Variants in CELF1 observed in about 807,000 individuals in gnomAD.
CELF1 encodes the protein 50 kDa nuclear polyadenylated RNA-binding protein.
CELF1 carries 10 observed loss-of-function variants against 61.8 expected under a neutral mutation model. That is an observed-to-expected ratio of 0.16 (90% CI 0.10 to 0.27). The LOEUF is 0.27. CELF1 is among the 10% of genes least tolerant of loss of function. CELF1 has a pLI of 1.00. For missense variants in CELF1, 380 were observed against 639.1 expected, an observed-to-expected ratio of 0.59 and a Z score of 4.37; for synonymous variants, 236 against 225.1, an observed-to-expected ratio of 1.05 and a Z score of -0.43.
At chr11:47,541,662 A>T (rs1171412252) in intron 1 of CELF1, among the ~76,000 whole-genome samples, 1 of 146,458 alleles carries the variant, frequency 6.8e-6, no homozygotes. Context: ...TGTACTCCAG[A>T]GCCTGGTGAC....
At chr11:47,552,465 A>AAGAGTTCC in intron 1 of CELF1, among the ~76,000 whole-genome samples, 1 of 152,234 alleles carries the variant, frequency 6.6e-6, no homozygotes, top group Non-Finnish European at 1.5e-5. Flanking sequence ...AGGGCGAGCC[A>AAGAGTTCC]AGGCCGTAGC....
chr11:47,560,961 AC>A (rs1256389763), intron 2 of CELF1, among the ~76,000 whole-genome samples: 10 of 149,740 alleles, frequency 6.7e-5, no homozygotes, highest in South Asian at 2.1e-4. Flanking sequence ...ATATGGTGAA[AC>A]CCCGTCTCTA....
At chr11:47,533,312 C>T (rs1334076838) in intron 1 of CELF1, among the ~76,000 whole-genome samples, 1 of 152,066 alleles carries the variant, frequency 6.6e-6, no homozygotes, top group African/African-American at 2.4e-5. Flanking sequence ...CATGGTGAAA[C>T]CCCATTTCTA....
chr11:47,540,863 C>T (rs1045366433), intron 1 of CELF1, among the ~76,000 whole-genome samples: 6 of 151,516 alleles, frequency 4.0e-5, no homozygotes, highest in Admixed American at 2.6e-4. Context: ...CCAGCCTGGG[C>T]GACAGAGAGA....
chr11:47,497,021 C>A (rs899673606), intron 3 of CELF1, among the ~76,000 whole-genome samples: 1 of 152,110 alleles, frequency 6.6e-6, no homozygotes, highest in Non-Finnish European at 1.5e-5. Flanking sequence ...CCAGTCTCAG[C>A]CAATACTGAG....
rs2093642091 is a variant in CELF1 at position 47,499,612 on chromosome 11, C to T, written c.-81-8G>A. 6 of 1,048,344 alleles carry T rather than the reference C, an allele frequency of 5.7e-6. No individual in the cohort carries two copies. In the South Asian group the frequency reaches 7.1e-5, roughly 12 times the overall value. 64.9% of individuals were successfully genotyped at this position (1,048,344 alleles called of 1,614,324 possible). ...ACACACAGCTTTAGCTTCCTGGGCC[C>T]CACAAAAAACACAAAGTGGAAACAG... is the stretch of plus-strand genomic sequence containing the variant. On this transcript the variant is annotated splice_region_variant and splice_polypyrimidine_tract_variant and intron_variant, in intron 2 of 14. Transcript: ENST00000687097.
At chr11:47,512,873 C>G (rs2095309765) in intron 1 of CELF1, among the ~76,000 whole-genome samples, 1 of 152,150 alleles carries the variant, frequency 6.6e-6, no homozygotes, top group Admixed American at 6.5e-5. Flanking sequence ...AAGCGGGAAG[C>G]AGACCTCTCA....
intron 1 of CELF1, among the ~76,000 whole-genome samples, chr11:47,545,420 G>A (rs994676864): frequency 1.2e-4 from 19 of 152,088 alleles, no homozygotes; most frequent in Non-Finnish European, 2.6e-4. Context: ...GACAGAGCGG[G>A]ACTCTGTCTC....
intron 4 of CELF1, among the ~76,000 whole-genome samples, chr11:47,488,605 C>T (rs984858256): frequency 2.0e-5 from 3 of 152,204 alleles, no homozygotes; most frequent in Admixed American, 2.0e-4. Flanking sequence ...AACACCTTAA[C>T]TTTTTAAAGC....
chr11:47,474,144 G>A (rs2078954824), intron 13 of CELF1, among the ~76,000 whole-genome samples: 1 of 152,284 alleles, frequency 6.6e-6, no homozygotes, highest in South Asian at 2.1e-4. Flanking sequence ...TGATCTGCCT[G>A]CCTTGGCCTC....
At position 47,526,331 on chromosome 11, in the gene CELF1, A is replaced by G. The variant is rs866787510; in HGVS notation, c.-153-25399T>C. On this transcript the variant is annotated intron_variant, in intron 1 of 14. Coordinates refer to ENST00000687097, the MANE Select transcript of CELF1 (RefSeq NM_001376376.1). ...GCAAAACTCTGTCTCAAGGAAGAAA[A>G]AAAGAAGGCACCTGCGATATCTTAA... Among the ~76,000 whole-genome samples, 4 of 152,148 alleles carry G rather than the reference A, an allele frequency of 2.6e-5. No individual in the cohort carries two copies. In the South Asian group the frequency reaches 8.3e-4, roughly 32 times the overall value.
At chr11:47,531,197 A>G (rs2096460748) in intron 1 of CELF1, among the ~76,000 whole-genome samples, 1 of 152,122 alleles carries the variant, frequency 6.6e-6, no homozygotes, top group African/African-American at 2.4e-5. Context: ...CAGTGAGCTG[A>G]GATCGCACCA....
intron 1 of CELF1, among the ~76,000 whole-genome samples, chr11:47,517,033 G>A (rs2095593424): frequency 6.6e-6 from 1 of 152,126 alleles, no homozygotes; most frequent in South Asian, 2.1e-4. Context: ...GACTGCTTGA[G>A]CCCACAAGTT....
intron 1 of CELF1, among the ~76,000 whole-genome samples, chr11:47,510,810 G>C (rs989504472): frequency 2.6e-5 from 4 of 152,058 alleles, no homozygotes; most frequent in Non-Finnish European, 5.9e-5. Context: ...ACTAACAACT[G>C]TTAGTAAGCA....
intron 1 of CELF1, among the ~76,000 whole-genome samples, chr11:47,545,003 C>T (rs534209636): frequency 6.6e-6 from 1 of 152,174 alleles, no homozygotes; most frequent in South Asian, 2.1e-4. Flanking sequence ...AAAGAATAGG[C>T]CAGACATGGT....
intron 3 of CELF1, 125 bp from the exon 4 acceptor site, chr11:47,489,149 A>AC: frequency 2.4e-6 from 2 of 817,340 alleles, no homozygotes; most frequent in Non-Finnish European, 3.5e-6. Flanking sequence ...TTCTTTCACT[A>AC]CTTCCATTCA....
chr11:47,479,009 TG>T (rs1485153843), intron 9 of CELF1, 57 bp from the exon 10 acceptor site: 157 of 1,413,240 alleles, frequency 1.1e-4, no homozygotes, highest in Non-Finnish European at 1.4e-4. Flanking sequence ...GTTCTGCATC[TG>T]GGATAACTCT....
intron 1 of CELF1, among the ~76,000 whole-genome samples, chr11:47,531,152 C>A (rs142576283): frequency 6.6e-6 from 1 of 152,124 alleles, no homozygotes; most frequent in African/African-American, 2.4e-5. Flanking sequence ...GAAGCTGAGG[C>A]ACAAGAATCA....
chr11:47,484,311 T>C, intron 7 of CELF1, 78 bp downstream of exon 7: 2 of 1,478,546 alleles, frequency 1.4e-6, no homozygotes, highest in Non-Finnish European at 9.2e-7. Flanking sequence ...AGCAAGACCT[T>C]GTCTCCAAAA....
Sources: allele counts gnomAD v4.1 joint callset (sites outside exome capture counted in the v4.1 genomes callset), GRCh38; gene constraint gnomAD v4.1.1; transcripts MANE v1.5; gene names NCBI Gene and HGNC (gene_info 2026-07-23, HGNC 2026-07-21).